Variants in PODXL observed in about 807,000 individuals in gnomAD.
The protein encoded by PODXL is podocalyxin.
In PODXL, 20 loss-of-function variants were observed where a neutral mutation model predicts 48.9. The ratio of observed to expected loss-of-function variants is 0.41; its 90% CI spans 0.29 to 0.59. The LOEUF is 0.59. Ranked by LOEUF, PODXL falls within the 20% of genes least tolerant of loss-of-function variation. The probability of loss-of-function intolerance (pLI) is 0.31; values close to 1 mark genes in which losing one functional copy is unlikely to be tolerated. For synonymous variants in PODXL, 295 were observed against 287.4 expected (o/e 1.03, Z -0.27); for missense variants, 606 against 675.1 (o/e 0.90, Z 1.13).
intron 1 of PODXL, among the ~76,000 whole-genome samples, chr7:131,522,176 C>G (rs559508430): frequency 6.6e-6 from 1 of 152,158 alleles, no homozygotes; most frequent in Non-Finnish European, 1.5e-5. Context: ...AGCAGCAGGG[C>G]GCAGTGGCTC....
chr7:131,553,203 A>G (rs1371282033), intron 1 of PODXL, among the ~76,000 whole-genome samples: 2 of 152,124 alleles, frequency 1.3e-5, no homozygotes, highest in Non-Finnish European at 2.9e-5. Flanking sequence ...CCTACACACT[A>G]CAATTCATAG....
Position 131,500,643 on chromosome 7 carries a change from C to T in PODXL, c.*3668G>A, listed in dbSNP as rs1181019501. ...TTGGAGTAAGTTCCATATATAAAAG[C>T]TCATCCAAAACTTTGTTTCTTGGCA... On this transcript the variant is annotated 3_prime_UTR_variant, in exon 9 of 9. Transcript: ENST00000378555. 2.0e-5 allele frequency: 3 copies of T among 152,222 alleles called. No individual in the cohort carries two copies. Among genetic ancestry groups the T allele is most frequent in the Admixed American group, 6.5e-5 (1 of 15,288 alleles). The allele number at this position is 152,222 out of a possible 1,614,324, so 9.4% of individuals were successfully genotyped here. A position where few individuals can be genotyped will look rare whatever the true frequency, so the allele number is the denominator to read the frequency against.
chr7:131,539,790 GGTA>G (rs1798445068), intron 1 of PODXL, among the ~76,000 whole-genome samples: 1 of 152,142 alleles, frequency 6.6e-6, no homozygotes, highest in African/African-American at 2.4e-5. Context: ...CATGTGTCCT[GGTA>G]CACTCGGGGC....
At chr7:131,532,464 AAT>A (rs1426704043) in intron 1 of PODXL, among the ~76,000 whole-genome samples, 3 of 150,336 alleles carry the variant, frequency 2.0e-5, no homozygotes, top group Non-Finnish European at 4.4e-5. Context: ...AAAAATAAAT[AAT>A]AATAATAATA....
intron 1 of PODXL, among the ~76,000 whole-genome samples, chr7:131,523,717 G>T (rs1053220929): frequency 7.3e-6 from 1 of 136,494 alleles, no homozygotes; most frequent in Non-Finnish European, 1.6e-5. Flanking sequence ...AAAAGAAAAA[G>T]AAAAAGAAAA....
In PODXL at chr7:131,536,536, G is replaced by A. The variant is rs569479104; in HGVS notation, c.100+19724C>T. 3.5e-4 allele frequency among the ~76,000 whole-genome samples: 53 copies of A among 152,274 alleles called. 1 individual carries two copies. The South Asian group carries it at 0.011, about 32-fold the overall frequency. Reference sequence around the variant, plus strand: ...CGGGCCAGCAGCAGCTGGTGTCAGGGCTGGGGTAGAAGTCAGCCAGCAAAA... The same window carrying A: ...CGGGCCAGCAGCAGCTGGTGTCAGGACTGGGGTAGAAGTCAGCCAGCAAAA... On this transcript the variant is annotated intron_variant, in intron 1 of 8. Coordinates refer to ENST00000378555, the MANE Select transcript of PODXL (RefSeq NM_001018111.3).
At chr7:131,550,452 C>G (rs1486196277) in intron 1 of PODXL, among the ~76,000 whole-genome samples, 2 of 152,102 alleles carry the variant, frequency 1.3e-5, no homozygotes, top group Non-Finnish European at 2.9e-5. Flanking sequence ...GTTAGGCGTT[C>G]AAGACCAGCC....
chr7:131,514,023 T>A (rs1186153136), intron 1 of PODXL, among the ~76,000 whole-genome samples: 1 of 152,194 alleles, frequency 6.6e-6, no homozygotes, highest in Non-Finnish European at 1.5e-5. Context: ...AGCAGTCACA[T>A]TATCACCTCT....
chr7:131,518,334 G>T (rs539611127), intron 1 of PODXL, among the ~76,000 whole-genome samples: 32 of 152,288 alleles, frequency 2.1e-4, no homozygotes, highest in Non-Finnish European at 3.4e-4. Context: ...AAGATAATGC[G>T]TTGGCTAATA....
At chr7:131,549,625 C>T (rs914509444) in intron 1 of PODXL, among the ~76,000 whole-genome samples, 3 of 152,296 alleles carry the variant, frequency 2.0e-5, no homozygotes, top group East Asian at 3.8e-4. Context: ...AATCAGACAG[C>T]GTAGACCCCA....
intron 1 of PODXL, among the ~76,000 whole-genome samples, chr7:131,548,421 C>T (rs990710036): frequency 5.3e-5 from 8 of 152,248 alleles, no homozygotes; most frequent in African/African-American, 1.9e-4. Context: ...GCCTGCCTTT[C>T]AGCTAGTGTG....
intron 1 of PODXL, among the ~76,000 whole-genome samples, chr7:131,526,098 T>C (rs1798181431): frequency 6.6e-6 from 1 of 152,136 alleles, no homozygotes; most frequent in South Asian, 2.1e-4. Context: ...CATTCTACAA[T>C]GAAATGAACC....
At chr7:131,506,234 G>T in intron 7 of PODXL, 26 bp downstream of exon 7, 1 of 1,612,134 alleles carries the variant, frequency 6.2e-7, no homozygotes, top group Non-Finnish European at 8.5e-7. Context: ...GAGCCACTCT[G>T]TCCCCACACT....
intron 1 of PODXL, among the ~76,000 whole-genome samples, chr7:131,524,410 AAC>A: frequency 6.6e-6 from 1 of 151,288 alleles, no homozygotes; most frequent in Non-Finnish European, 1.5e-5. Flanking sequence ...AGAGAGAGAA[AAC>A]AACAAGGAAA....
intron 1 of PODXL, among the ~76,000 whole-genome samples, chr7:131,551,676 C>G (rs1366426247): frequency 6.6e-6 from 1 of 152,034 alleles, no homozygotes; most frequent in Non-Finnish European, 1.5e-5. Context: ...GTGGCTCATG[C>G]CTGTGATCCC....
chr7:131,538,923 G>A (rs1056307502), intron 1 of PODXL, among the ~76,000 whole-genome samples: 1 of 152,204 alleles, frequency 6.6e-6, no homozygotes, highest in Admixed American at 6.5e-5. Context: ...CCCTCCCCAG[G>A]GGCCTCCTAA....
At chr7:131,508,886 C>G in intron 5 of PODXL, 65 bp downstream of exon 5, 1 of 1,104,394 alleles carries the variant, frequency 9.1e-7, no homozygotes, top group Non-Finnish European at 1.4e-6. Flanking sequence ...AACATACATT[C>G]CCTCTCCCTC....
intron 1 of PODXL, among the ~76,000 whole-genome samples, chr7:131,548,110 C>A (rs1220608991): frequency 6.6e-6 from 1 of 152,218 alleles, no homozygotes; most frequent in Non-Finnish European, 1.5e-5. Context: ...CCAGAAACTG[C>A]CCCTCAGGAC....
intron 8 of PODXL, 73 bp from the exon 9 acceptor site, chr7:131,504,581 C>A: frequency 1.6e-6 from 2 of 1,251,672 alleles, no homozygotes; most frequent in Admixed American, 3.5e-5. Flanking sequence ...CATGTACGTA[C>A]CCCTCCCACT....
Sources: allele counts gnomAD v4.1 joint callset (sites outside exome capture counted in the v4.1 genomes callset), GRCh38; gene constraint gnomAD v4.1.1; transcripts MANE v1.5; gene names NCBI Gene and HGNC (gene_info 2026-07-23, HGNC 2026-07-21).